The following CSMD1 variants were observed in gnomAD, a reference collection of about 807,000 sequenced individuals.
CSMD1 encodes the protein CUB and Sushi multiple domains 1.
In CSMD1, 213 loss-of-function variants were observed where a neutral mutation model predicts 417.5. That is an observed-to-expected ratio of 0.51 (90% CI 0.46 to 0.57). The LOEUF (loss-of-function observed/expected upper bound fraction) is 0.57, where lower values mean the gene tolerates loss of function less well. Ranked by LOEUF, CSMD1 falls within the 20% of genes least tolerant of loss-of-function variation. The pLI, the probability that CSMD1 is intolerant of heterozygous loss-of-function variation, is 0.00. For missense variants in CSMD1, 6,923 were observed against 4,529.7 expected (o/e 1.53, Z -15.17); for synonymous variants, 2,862 against 1,736.8 (o/e 1.65, Z -16.11).
Position 3,694,352 on chromosome 8 carries a change from G to C in CSMD1, c.1009+14062C>G, listed in dbSNP as rs566085841. 2.0e-5 allele frequency among the ~76,000 whole-genome samples: 3 copies of C among 152,214 alleles called. No homozygotes were observed. In the East Asian group the frequency reaches 5.8e-4, roughly 30 times the overall value. ...TGAGCAGACAGACAGGGGTCACTCA[G>C]GCTGAGGATTTTCCCAAACTGACAC... is the stretch of plus-strand genomic sequence containing the variant. On this transcript the variant is annotated intron_variant, in intron 7 of 69. Transcript: ENST00000635120.
intron 41 of CSMD1, among the ~76,000 whole-genome samples, chr8:3,125,385 C>T (rs1413289423): frequency 1.3e-5 from 2 of 152,210 alleles, no homozygotes; most frequent in Non-Finnish European, 2.9e-5. Context: ...GGCCTTCTTG[C>T]TCTGTACCCA....
chr8:3,022,835 A>G (rs1585171222), intron 51 of CSMD1, among the ~76,000 whole-genome samples: 1 of 152,212 alleles, frequency 6.6e-6, no homozygotes, highest in Non-Finnish European at 1.5e-5. Context: ...CACTCCGTAT[A>G]GATCAGAGTC....
At chr8:4,468,550 C>T (rs188647623) in intron 2 of CSMD1, among the ~76,000 whole-genome samples, 294 of 152,234 alleles carry the variant, frequency 1.9e-3, no homozygotes, top group African/African-American at 6.9e-3. Flanking sequence ...ACACTCTTGT[C>T]CCCAGCTAAA....
chr8:3,287,798 T>C (rs2117258618), intron 25 of CSMD1, among the ~76,000 whole-genome samples: 1 of 152,016 alleles, frequency 6.6e-6, no homozygotes, highest in Non-Finnish European at 1.5e-5. Flanking sequence ...CTTTATTTCC[T>C]CCAGCTGCCT....
At chr8:4,659,582 G>A (rs913730311) in intron 1 of CSMD1, among the ~76,000 whole-genome samples, 30 of 152,056 alleles carry the variant, frequency 2.0e-4, no homozygotes, top group African/African-American at 7.2e-4. Context: ...ATACCCAGAA[G>A]AGTTATATCC....
intron 13 of CSMD1, 137 bp from the exon 14 acceptor site, chr8:3,408,362 T>C (rs1812478131): frequency 4.6e-6 from 3 of 646,258 alleles, no homozygotes; most frequent in Admixed American, 3.0e-5. Context: ...TTAATATAAG[T>C]AATTCTGGAC....
At chr8:4,935,927 G>T (rs1378538776) in intron 1 of CSMD1, among the ~76,000 whole-genome samples, 2 of 152,172 alleles carry the variant, frequency 1.3e-5, no homozygotes, top group African/African-American at 4.8e-5. Flanking sequence ...TGGATGCCAC[G>T]CTGCCGCTCA....
chr8:4,900,651 G>A (rs769747420), intron 1 of CSMD1, among the ~76,000 whole-genome samples: 9 of 152,102 alleles, frequency 5.9e-5, no homozygotes, highest in South Asian at 2.1e-4. Context: ...TCCTGTACTC[G>A]CCCTACTCTC....
At chr8:3,536,541 G>C (rs1296130799) in intron 10 of CSMD1, among the ~76,000 whole-genome samples, 1 of 152,208 alleles carries the variant, frequency 6.6e-6, no homozygotes, top group African/African-American at 2.4e-5. Context: ...TCCATGAGAA[G>C]GATGAGCCTG....
chr8:4,531,827 T>C (rs1381781157), intron 2 of CSMD1, among the ~76,000 whole-genome samples: 1 of 152,232 alleles, frequency 6.6e-6, no homozygotes. Flanking sequence ...TTTCAGAAAC[T>C]TTTATCACTT....
At chr8:4,312,776 A>T (rs994262815) in intron 3 of CSMD1, among the ~76,000 whole-genome samples, 23 of 152,130 alleles carry the variant, frequency 1.5e-4, no homozygotes, top group African/African-American at 4.8e-4. Context: ...CCGGAGGCTG[A>T]AGCAGGATAA....
At chr8:4,473,473 C>T (rs922673285) in intron 2 of CSMD1, among the ~76,000 whole-genome samples, 1 of 152,008 alleles carries the variant, frequency 6.6e-6, no homozygotes, top group African/African-American at 2.4e-5. Context: ...AAAGTAATAC[C>T]CAGTGTCTGC....
chr8:3,702,462 G>T (rs997137897), intron 7 of CSMD1, among the ~76,000 whole-genome samples: 1 of 152,314 alleles, frequency 6.6e-6, no homozygotes, highest in African/African-American at 2.4e-5. Flanking sequence ...ATTGAGAGCT[G>T]CTAAAACTGG....
At chr8:4,147,311 A>G (rs1370060646) in intron 3 of CSMD1, among the ~76,000 whole-genome samples, 4 of 152,066 alleles carry the variant, frequency 2.6e-5, no homozygotes, top group Non-Finnish European at 5.9e-5. Flanking sequence ...GGGAAGGGGA[A>G]GCCTTCTGTA....
At chr8:4,733,235 T>C (rs986446167) in intron 1 of CSMD1, among the ~76,000 whole-genome samples, 5 of 152,174 alleles carry the variant, frequency 3.3e-5, no homozygotes, top group African/African-American at 1.2e-4. Context: ...AAAAGTTCAT[T>C]TCCTGAACCC....
chr8:4,823,763 G>A (rs567347358), intron 1 of CSMD1, among the ~76,000 whole-genome samples: 8 of 151,866 alleles, frequency 5.3e-5, no homozygotes, highest in South Asian at 4.1e-4. Context: ...CAGTGTGGTG[G>A]TGGTGGCAGT....
intron 3 of CSMD1, among the ~76,000 whole-genome samples, chr8:4,062,305 G>A (rs1327596828): frequency 1.3e-5 from 2 of 152,088 alleles, no homozygotes; most frequent in African/African-American, 2.4e-5. Flanking sequence ...CATGTCAACT[G>A]GGGACTTCTA....
Position 4,939,931 on chromosome 8 carries a change from T to C in CSMD1, c.85+54401A>G, listed in dbSNP as rs541491099. Among the ~76,000 whole-genome samples the C allele has an allele frequency of 3.3e-5, 5 of 152,272 alleles. No individual in the cohort carries two copies. The South Asian group carries it at 8.3e-4, about 25-fold the overall frequency. On this transcript the variant is annotated intron_variant, in intron 1 of 69. Coordinates refer to ENST00000635120, the MANE Select transcript of CSMD1 (RefSeq NM_033225.6). ...TAAATATATATACAATTTTGATTTG[T>C]CAATTAAAATATAAATTTAAAAAAA... is the stretch of plus-strand genomic sequence containing the variant.
intron 1 of CSMD1, among the ~76,000 whole-genome samples, chr8:4,867,518 A>T (rs950276391): frequency 9.2e-5 from 14 of 151,906 alleles, no homozygotes; most frequent in South Asian, 2.1e-4. Context: ...CTCGGATATA[A>T]TTTTTTTTAC....
Sources: gnomAD v4.1 joint callset for allele counts (sites outside exome capture counted in the v4.1 genomes callset) on GRCh38, gnomAD v4.1.1 for gene constraint, MANE v1.5 for transcripts, NCBI Gene and HGNC (gene_info 2026-07-23, HGNC 2026-07-21) for gene names.